TLN2: variants seen among roughly 807,000 people sequenced by gnomAD.
TLN2 encodes the protein talin 2, also known as talin-2.
Under a neutral mutation model 294.7 loss-of-function variants are expected in TLN2, and 118 were observed. The ratio of observed to expected loss-of-function variants is 0.40; its 90% CI spans 0.34 to 0.47. The LOEUF (loss-of-function observed/expected upper bound fraction) is 0.47. Ranked by LOEUF, TLN2 falls within the 20% of genes least tolerant of loss-of-function variation. The probability of loss-of-function intolerance (pLI) is 0.84; values close to 1 mark genes in which losing one functional copy is unlikely to be tolerated. For synonymous variants in TLN2, 1,431 were observed against 1,304.5 expected (o/e 1.10, Z -2.09); for missense variants, 3,083 against 3,282.2 (o/e 0.94, Z 1.48).
intron 1 of TLN2, among the ~76,000 whole-genome samples, chr15:62,575,916 A>G (rs564809398): frequency 1.5e-4 from 23 of 152,294 alleles, no homozygotes; most frequent in Admixed American, 7.2e-4. Context: ...TGTAGAGTGA[A>G]ATTTCAGTAT....
intron 25 of TLN2, 21 bp from the exon 26 acceptor site, chr15:62,722,332 T>C (rs1338316522): frequency 4.4e-6 from 7 of 1,591,912 alleles, no homozygotes; most frequent in South Asian, 3.4e-5. Context: ...GCCATCTTAC[T>C]TTCTTTTCAT....
At chr15:62,778,207 C>T (rs1446375612) in intron 43 of TLN2, among the ~76,000 whole-genome samples, 1 of 152,222 alleles carries the variant, frequency 6.6e-6, no homozygotes, top group Non-Finnish European at 1.5e-5. Context: ...AATGCTGCGT[C>T]TCCCTTTAGA....
intron 2 of TLN2, among the ~76,000 whole-genome samples, chr15:62,590,203 T>A (rs1442640227): frequency 6.6e-6 from 1 of 152,114 alleles, no homozygotes; most frequent in Non-Finnish European, 1.5e-5. Context: ...GGCAGGTTTG[T>A]TTCGTAGGTA....
chr15:62,617,549 T>G (rs1596355158), intron 2 of TLN2, among the ~76,000 whole-genome samples: 1 of 152,188 alleles, frequency 6.6e-6, no homozygotes. Context: ...ACCCCCTTTC[T>G]CCAGCCTCTC....
chr15:62,687,565 A>G (rs1186873455), intron 12 of TLN2, among the ~76,000 whole-genome samples: 2 of 152,244 alleles, frequency 1.3e-5, no homozygotes, highest in South Asian at 2.1e-4. Context: ...GTGAAACACA[A>G]TAGAGCGGGT....
chr15:62,708,337 G>A (rs1383773190), intron 20 of TLN2, among the ~76,000 whole-genome samples, 165 bp from the exon 21 acceptor site: 1 of 152,170 alleles, frequency 6.6e-6, no homozygotes. Flanking sequence ...TGAAGCAATG[G>A]TTTCATTGAA....
intron 52 of TLN2, among the ~76,000 whole-genome samples, chr15:62,813,408 T>G (rs1416892506): frequency 6.6e-6 from 1 of 152,178 alleles, no homozygotes; most frequent in Non-Finnish European, 1.5e-5. Flanking sequence ...GGTACTAAAA[T>G]GAAATCACTA....
chr15:62,559,784 C>T (rs1444928390), intron 1 of TLN2, among the ~76,000 whole-genome samples: 3 of 152,212 alleles, frequency 2.0e-5, no homozygotes, highest in African/African-American at 7.2e-5. Context: ...AAGGTGCTCT[C>T]CTGGGCTCCC....
intron 28 of TLN2, chr15:62,734,214 C>T (rs1463202314): frequency 1.3e-5 from 2 of 152,126 alleles, no homozygotes; most frequent in African/African-American, 2.4e-5. Context: ...ATGGGTTTTG[C>T]ATAAACATGT....
At chr15:62,452,878 A>G (rs560054144) in intron 1 of TLN2, among the ~76,000 whole-genome samples, 31 of 152,074 alleles carry the variant, frequency 2.0e-4, no homozygotes, top group Admixed American at 9.2e-4. Flanking sequence ...ATGGACTGGC[A>G]GCTGGGGGCT....
chr15:62,771,950 T>C (rs1413165932), intron 42 of TLN2, among the ~76,000 whole-genome samples: 3 of 152,222 alleles, frequency 2.0e-5, no homozygotes, highest in Admixed American at 6.5e-5. Flanking sequence ...AATAATGTCA[T>C]GGACTTTCCT....
At chr15:62,558,777 G>A (rs956813892) in intron 1 of TLN2, among the ~76,000 whole-genome samples, 11 of 152,078 alleles carry the variant, frequency 7.2e-5, no homozygotes, top group Admixed American at 7.2e-4. Flanking sequence ...TGCAGATAAC[G>A]GCTAGTTAGC....
chr15:62,673,683 A>G (rs918837427), intron 9 of TLN2, 144 bp from the exon 10 acceptor site: 5 of 535,342 alleles, frequency 9.3e-6, no homozygotes, highest in Non-Finnish European at 1.6e-5. Context: ...AGTGCATCGT[A>G]GGATATAGCA....
chr15:62,499,896 C>A (rs926591735), intron 1 of TLN2, among the ~76,000 whole-genome samples: 1 of 152,086 alleles, frequency 6.6e-6, no homozygotes, highest in Non-Finnish European at 1.5e-5. Context: ...AGCCACCGCT[C>A]CTGGCTGCAA....
chr15:62,694,189 T>G (rs1178487651), intron 13 of TLN2, 127 bp from the exon 14 acceptor site: 4 of 676,552 alleles, frequency 5.9e-6, no homozygotes, highest in African/African-American at 5.4e-5. Context: ...GTTGACCAGG[T>G]TTGTCTCGAA....
At position 62,409,260 on chromosome 15, in the gene TLN2, A is replaced by G. The variant is rs557379655; in HGVS notation, c.-238+18575A>G. ...AGAGCTGGGATTACAGGTGTCAGCC[A>G]CTGTGCCTTGTAGTTTTTATAATCA... On this transcript the variant is annotated intron_variant, in intron 1 of 58. Transcript: ENST00000636159. Among the ~76,000 whole-genome samples the G allele has an allele frequency of 1.4e-4, 22 of 152,274 alleles. 1 individual carries two copies. In the South Asian group the frequency reaches 2.9e-3, roughly 20 times the overall value.
At chr15:62,502,786 G>A (rs1400163215) in intron 1 of TLN2, among the ~76,000 whole-genome samples, 1 of 152,212 alleles carries the variant, frequency 6.6e-6, no homozygotes, top group Non-Finnish European at 1.5e-5. Flanking sequence ...AAGTGAGTGT[G>A]AGATAGAAAG....
chr15:62,566,979 A>G (rs1375362414), intron 1 of TLN2, among the ~76,000 whole-genome samples: 1 of 152,162 alleles, frequency 6.6e-6, no homozygotes, highest in African/African-American at 2.4e-5. Flanking sequence ...CTCAGGAAAA[A>G]ATTTGTATTT....
chr15:62,402,708 A>G (rs1380658823), intron 1 of TLN2, among the ~76,000 whole-genome samples: 2 of 152,162 alleles, frequency 1.3e-5, no homozygotes, highest in East Asian at 1.9e-4. Flanking sequence ...CTATGTTTCT[A>G]TACCCACTTC....
Sources: gnomAD v4.1 joint callset for allele counts (sites outside exome capture counted in the v4.1 genomes callset) on GRCh38, gnomAD v4.1.1 for gene constraint, MANE v1.5 for transcripts, NCBI Gene and HGNC (gene_info 2026-07-23, HGNC 2026-07-21) for gene names.